The following PRDM13 variants were observed in gnomAD, a reference collection of about 807,000 sequenced individuals.
PRDM13 encodes the protein PR/SET domain 13, also known as PR domain zinc finger protein 13.
PRDM13 carries 15 observed loss-of-function variants against 36.4 expected under a neutral mutation model. The ratio of observed to expected loss-of-function variants is 0.41; its 90% CI spans 0.28 to 0.64. The LOEUF (loss-of-function observed/expected upper bound fraction) is 0.64. Ranked by LOEUF, PRDM13 falls within the 30% of genes least tolerant of loss-of-function variation. The pLI, the probability that PRDM13 is intolerant of heterozygous loss-of-function variation, is 0.29. For missense variants in PRDM13, 1,044 were observed against 1,013.5 expected, an observed-to-expected ratio of 1.03 and a Z score of -0.41; for synonymous variants, 531 against 467.7, an observed-to-expected ratio of 1.14 and a Z score of -1.75.
rs536101986 is a variant in PRDM13 at position 99,613,475 on chromosome 6, G to T, written c.840G>T (p.Ala280=). The T allele has an allele frequency of 2.8e-4, 431 of 1,533,020 alleles. 7 individuals are homozygous for T. In the South Asian group the frequency reaches 4.9e-3, roughly 17 times the overall value. 95.0% of individuals were successfully genotyped at this position (1,533,020 alleles called of 1,614,324 possible). A position where few individuals can be genotyped will look rare whatever the true frequency, so the allele number is the denominator to read the frequency against. ...TCGGCATCGTGGGCGGCTCCTCGGC[G>T]GGGGTCGGCAGCCTGGCTTTCTACC... is the stretch of plus-strand genomic sequence containing the variant. ...HFLGIVGGSS[A]GVGSLAFYPG... is the part of the protein sequence containing the mutation. The change falls in exon 4 of 4, where the codon GCG becomes GCT. Residue 280 remains alanine, a synonymous_variant. Coordinates refer to ENST00000369215, the MANE Select transcript of PRDM13 (RefSeq NM_021620.4). This position sits in a 1 kb window ranked among gnomAD's most constrained non-coding sequence, Gnocchi z 6.1.
chr6:99,614,402 G>T lies in PRDM13; in HGVS notation c.1767G>T (p.Lys589Asn). The part of the protein sequence containing the change: ...GKLYSRKYGL[K>N]IHMRTHTGYK... ...TGTACTCGCGCAAGTATGGGCTCAA[G>T]ATCCACATGCGGACGCACACGGGCT... The change falls in exon 4 of 4, where the codon AAG becomes AAT. Residue 589 changes from lysine to asparagine, a missense_variant. Around this residue, in one of 3 missense-constraint regions of PRDM13, gnomAD observed 921 missense variants for 865.2 expected, o/e 1.06. Coordinates refer to ENST00000369215, the MANE Select transcript of PRDM13 (RefSeq NM_021620.4). The T allele has an allele frequency of 4.3e-6, 7 of 1,613,480 alleles. No individual in the cohort carries two copies. Among genetic ancestry groups the T allele is most frequent in the Non-Finnish European group, 5.9e-6 (7 of 1,180,000 alleles).
chr6:99,607,116 C>G lies in PRDM13; in HGVS notation c.82C>G (p.Pro28Ala). The G allele has an allele frequency of 1.2e-6, 2 of 1,613,880 alleles. No individual in the cohort carries two copies. Among genetic ancestry groups the G allele is most frequent in the Non-Finnish European group, 1.7e-6 (2 of 1,180,028 alleles). Residue 28 changes from proline to alanine, a missense_variant, in exon 1 of 4, where the codon CCT becomes GCT. Physicochemically the swap from Pro to Ala is conservative, Grantham distance 27. This residue lies in a region of PRDM13 where 921 missense variants were observed against 865.2 expected (regional missense o/e 1.06). Coordinates refer to ENST00000369215, the MANE Select transcript of PRDM13 (RefSeq NM_021620.4). ...IPAGLRLGPVPGTFKLGKYLS... is the reference protein window; with the variant it reads ...IPAGLRLGPVAGTFKLGKYLS... ...GGCCGGCTTGCGCCTCGGACCGGTGCCTGGTACCTTCAAGCTGGGCAAGTA... is the reference window on the plus strand; with the variant it reads ...GGCCGGCTTGCGCCTCGGACCGGTGGCTGGTACCTTCAAGCTGGGCAAGTA...
chr6:99,613,142 C>A lies in PRDM13; in HGVS notation c.507C>A (p.Ala169=). 1 of 1,613,198 alleles carries A rather than the reference C, an allele frequency of 6.2e-7. No homozygotes were observed. Among genetic ancestry groups the A allele is most frequent in the Non-Finnish European group, 8.5e-7 (1 of 1,179,980 alleles). ...HCVFSGGGGG[A]FLHHEHAARQ... ...TGTTCAGCGGCGGTGGAGGCGGCGC[C>A]TTCCTGCACCACGAACACGCGGCTC... Residue 169 remains alanine (A), a synonymous_variant, in exon 4 of 4, where the codon GCC becomes GCA. Coordinates refer to ENST00000369215, the MANE Select transcript of PRDM13 (RefSeq NM_021620.4). This position sits in a 1 kb window ranked among gnomAD's most constrained non-coding sequence, Gnocchi z 6.1.
chr6:99,606,958 C>G lies in PRDM13; in HGVS notation c.-77C>G. 1 of 1,456,042 alleles carries G rather than the reference C, an allele frequency of 6.9e-7. No individual in the cohort carries two copies. The highest frequency in any genetic ancestry group is 1.4e-5 in the South Asian group (1 of 69,938). 90.2% of individuals were successfully genotyped at this position (1,456,042 alleles called of 1,614,324 possible). On this transcript the variant is annotated 5_prime_UTR_variant, in exon 1 of 4. Coordinates refer to ENST00000369215, the MANE Select transcript of PRDM13 (RefSeq NM_021620.4). Reference sequence around the variant, plus strand: ...TCGGGGCGCGGCTCTCTGGCTAGCGCGCAGCTCCAGCTCTGTCACTCGCGC... The same window carrying G: ...TCGGGGCGCGGCTCTCTGGCTAGCGGGCAGCTCCAGCTCTGTCACTCGCGC...
chr6:99,608,901 C>A (rs201951060), intron 2 of PRDM13, 29 bp downstream of exon 2: 89 of 1,596,286 alleles, frequency 5.6e-5, no homozygotes, highest in Admixed American at 1.9e-4. Flanking sequence ...CACACCCCCC[C>A]ACTCCCCACC....
intron 3 of PRDM13, among the ~76,000 whole-genome samples, chr6:99,609,592 T>C (rs1257769613): frequency 6.6e-6 from 1 of 151,984 alleles, no homozygotes; most frequent in African/African-American, 2.4e-5. Context: ...TTTACTCAAT[T>C]AAAATAAAAA....
chr6:99,610,242 A>G (rs565649561), intron 3 of PRDM13, among the ~76,000 whole-genome samples: 99 of 152,354 alleles, frequency 6.5e-4, no homozygotes, highest in Non-Finnish European at 1.2e-3. Flanking sequence ...CAGTAACTAA[A>G]CAGAAAAACA....
chr6:99,609,003 A>G, intron 2 of PRDM13, 131 bp downstream of exon 2: 9 of 1,415,774 alleles, frequency 6.4e-6, no homozygotes, highest in Non-Finnish European at 8.5e-6. Flanking sequence ...CGTCTCGACA[A>G]CCCTTTAAGG....
chr6:99,610,595 C>T (rs1179090300), intron 3 of PRDM13, among the ~76,000 whole-genome samples: 1 of 152,210 alleles, frequency 6.6e-6, no homozygotes, highest in East Asian at 1.9e-4. Context: ...AAAGTATCAT[C>T]GTCCTCTGTA....
chr6:99,609,751 C>T (rs892319068), intron 3 of PRDM13, among the ~76,000 whole-genome samples: 2 of 151,856 alleles, frequency 1.3e-5, no homozygotes, highest in African/African-American at 4.8e-5. Context: ...CCAGGTGCGG[C>T]GGTACATGCC....
Position 99,614,721 on chromosome 6 carries a change from G to A in PRDM13, c.2086G>A (p.Asp696Asn). Residue 696 changes from aspartate (D) to asparagine (N), a missense_variant, in exon 4 of 4, where the codon GAC (aspartate) becomes AAC (asparagine). This residue lies in a region of PRDM13 where 115 missense variants were observed against 122.1 expected (regional missense o/e 0.94). Transcript: ENST00000369215. ...VDVCFTDDQS[D>N]PEVGGGGERD... is the part of the protein sequence containing the mutation. ...CGTCTGCTTCACAGACGACCAGAGCGACCCCGAGGTTGGGGGCGGCGGGGA... is the reference window on the plus strand; with the variant it reads ...CGTCTGCTTCACAGACGACCAGAGCAACCCCGAGGTTGGGGGCGGCGGGGA... The A allele has an allele frequency of 6.3e-7, 1 of 1,590,710 alleles. No homozygotes were observed. Among genetic ancestry groups the A allele is most frequent in the Non-Finnish European group, 8.6e-7 (1 of 1,168,162 alleles).
rs781773439 is a variant in PRDM13, at chr6:99,613,855, GCGCCCCGCCCGCAGCCGC to G, written c.1224_1241del (p.Pro409_Ala414del). On this transcript the variant is annotated inframe_deletion, in exon 4 of 4. Transcript: ENST00000369215. The surrounding 1 kb of genome is among the most constrained non-coding windows in gnomAD (Gnocchi z 6.1). ...GCGTCCGCCTTCAAGCACGTGGAGC[GCGCCCCGCCCGCAGCCGC>G]CGCGCTGCCAGGAGCGCGTTATGCG... The G allele has an allele frequency of 8.8e-5, 133 of 1,507,062 alleles. 1 individual carries two copies. Among genetic ancestry groups the G allele is most frequent in the Admixed American group, 6.7e-4 (31 of 46,376 alleles). The allele number at this position is 1,507,062 out of a possible 1,614,324, so 93.4% of individuals were successfully genotyped here. A position where few individuals can be genotyped will look rare whatever the true frequency, so the allele number is the denominator to read the frequency against.
chr6:99,611,329 CCT>C (rs1770028268), intron 3 of PRDM13, among the ~76,000 whole-genome samples: 1 of 151,840 alleles, frequency 6.6e-6, no homozygotes, highest in African/African-American at 2.4e-5. Flanking sequence ...CTGAAAACTC[CCT>C]CTTTCAAAAG....
chr6:99,614,805 G>A lies in PRDM13; in HGVS notation c.*46G>A, dbSNP rs1169933203. 7 of 1,518,498 alleles carry A rather than the reference G, an allele frequency of 4.6e-6. No individual in the cohort carries two copies. Among genetic ancestry groups the A allele is most frequent in the Non-Finnish European group, 6.2e-6 (7 of 1,136,042 alleles). The allele number at this position is 1,518,498 out of a possible 1,614,324, so 94.1% of individuals were successfully genotyped here. The stretch of plus-strand genomic sequence containing the variant: ...CGGGGTGAGGACAGAGAGGAGTCGA[G>A]GGTTTATTCTCGCAGTAGAGGAACT... On this transcript the variant is annotated 3_prime_UTR_variant, in exon 4 of 4. Transcript: ENST00000369215.
In PRDM13 at chr6:99,612,916, A is replaced by T. The variant is rs6935767; in HGVS notation, c.398-117A>T. The T allele has an allele frequency of 9.1e-4, 1,371 of 1,500,232 alleles. 15 individuals are homozygous for T. In the African/African-American group the frequency reaches 0.018, roughly 20 times the overall value. The allele number at this position is 1,500,232 out of a possible 1,614,324, so 92.9% of individuals were successfully genotyped here. A position where few individuals can be genotyped will look rare whatever the true frequency, so the allele number is the denominator to read the frequency against. On this transcript the variant is annotated intron_variant, in intron 3 of 3. Coordinates refer to ENST00000369215, the MANE Select transcript of PRDM13 (RefSeq NM_021620.4). ...AGTAGGGCTACCGAACTTATATTTC[A>T]CCCTCTCCCCACACCGCTAGTCGAA...
chr6:99,612,601 T>C (rs1018715927), intron 3 of PRDM13, among the ~76,000 whole-genome samples: 2 of 152,224 alleles, frequency 1.3e-5, no homozygotes, highest in Admixed American at 6.5e-5. Context: ...AGATTGGTCT[T>C]TGTTCAGCTT....
chr6:99,609,056 G>C (rs1769994749), intron 2 of PRDM13, 131 bp from the exon 3 acceptor site: 7 of 1,403,486 alleles, frequency 5.0e-6, no homozygotes, highest in Non-Finnish European at 6.7e-6. Context: ...CGGAAGTGAG[G>C]TTCAGAGAGC....
At position 99,613,667 on chromosome 6, in the gene PRDM13, C is replaced by A; in HGVS notation, c.1032C>A (p.Asn344Lys). The change falls in exon 4 of 4, where the codon AAC (asparagine) becomes AAA (lysine). Residue 344 changes from asparagine (N) to lysine (K), a missense_variant. By Grantham distance (94) the Asn-to-Lys change is moderately conservative (BLOSUM62 0). This residue lies in a region of PRDM13 where 921 missense variants were observed against 865.2 expected (regional missense o/e 1.06). Coordinates refer to ENST00000369215, the MANE Select transcript of PRDM13 (RefSeq NM_021620.4). This position sits in a 1 kb window ranked among gnomAD's most constrained non-coding sequence, Gnocchi z 6.1. ...RACGRPGSGE[N>K]SAAGGAGHHH... Reference sequence around the variant, plus strand: ...GCGGGCGCCCCGGGAGCGGGGAGAACTCGGCGGCGGGCGGCGCGGGTCACC... The same window carrying A: ...GCGGGCGCCCCGGGAGCGGGGAGAAATCGGCGGCGGGCGGCGCGGGTCACC... 1 of 1,422,102 alleles carries A rather than the reference C, an allele frequency of 7.0e-7. No homozygotes were observed. Among genetic ancestry groups the A allele is most frequent in the African/African-American group, 1.5e-5 (1 of 65,538 alleles). The allele number at this position is 1,422,102 out of a possible 1,614,324, so 88.1% of individuals were successfully genotyped here. A position where few individuals can be genotyped will look rare whatever the true frequency, so the allele number is the denominator to read the frequency against.
intron 3 of PRDM13, among the ~76,000 whole-genome samples, chr6:99,612,038 A>G (rs1770038313): frequency 6.6e-6 from 1 of 152,262 alleles, no homozygotes; most frequent in Non-Finnish European, 1.5e-5. Flanking sequence ...AATGCTAATA[A>G]TACTAAACAC....
Sources: gnomAD v4.1 joint callset for allele counts (sites outside exome capture counted in the v4.1 genomes callset) on GRCh38, gnomAD v4.1.1 for gene constraint, gnomAD v4.1.1 regional missense constraint, Gnocchi (gnomAD v3.1) non-coding constraint, MANE v1.5 for transcripts, NCBI Gene and HGNC (gene_info 2026-07-23, HGNC 2026-07-21) for gene names.